TENM3: variants seen among roughly 807,000 people sequenced by gnomAD.
The protein encoded by TENM3 is teneurin transmembrane protein 3, also known as teneurin-3.
TENM3 carries 63 observed loss-of-function variants against 255.1 expected under a neutral mutation model. The ratio of observed to expected loss-of-function variants is 0.25; its 90% confidence interval spans 0.20 to 0.30. The LOEUF is 0.30. Among genes scored for constraint, TENM3 ranks in the 10% least tolerant of loss-of-function variants. The probability of loss-of-function intolerance (pLI) is 1.00; values close to 1 mark genes in which losing one functional copy is unlikely to be tolerated. For synonymous variants in TENM3, 1,306 were observed against 1,322.3 expected (o/e 0.99, Z 0.27); for missense variants, 2,929 against 3,461.1 (o/e 0.85, Z 3.86).
At chr4:182,051,258 G>A in the TENM3 span, among the ~76,000 whole-genome samples, 9 of 151,584 alleles carry the variant, frequency 5.9e-5, no homozygotes, top group East Asian at 1.2e-3. Flanking sequence ...CAGGAGAATC[G>A]CTTGAAACTG....
chr4:181,485,189 T>C, the TENM3 span, among the ~76,000 whole-genome samples: 1 of 152,148 alleles, frequency 6.6e-6, no homozygotes, highest in African/African-American at 2.4e-5. Context: ...TCTATCAAAA[T>C]AAACGTAAAT....
At chr4:181,655,255 G>C in the TENM3 span, among the ~76,000 whole-genome samples, 641 of 152,336 alleles carry the variant, frequency 4.2e-3, 1 homozygote, top group African/African-American at 0.015. Flanking sequence ...AGTGGAAAAG[G>C]AAGTTAGTAA....
the TENM3 span, among the ~76,000 whole-genome samples, chr4:181,476,731 A>G: frequency 6.6e-6 from 1 of 152,192 alleles, no homozygotes; most frequent in Admixed American, 6.5e-5. Context: ...ATACGTTTCC[A>G]ATGAGCTGGT....
intron 3 of TENM3, among the ~76,000 whole-genome samples, chr4:182,574,919 C>G (rs1372476108): frequency 6.6e-6 from 1 of 152,162 alleles, no homozygotes; most frequent in Non-Finnish European, 1.5e-5. Context: ...ATCTGGCTGT[C>G]TTTACCTAGG....
the TENM3 span, among the ~76,000 whole-genome samples, chr4:181,570,826 G>T: frequency 6.6e-6 from 1 of 152,218 alleles, no homozygotes; most frequent in African/African-American, 2.4e-5. Context: ...GGCAACACCT[G>T]TGAAGGGAAA....
At chr4:182,523,741 C>CTACATATATATCACTTACAGCA (rs1356218202) in intron 3 of TENM3, among the ~76,000 whole-genome samples, 1 of 152,048 alleles carries the variant, frequency 6.6e-6, no homozygotes, top group Non-Finnish European at 1.5e-5. Flanking sequence ...TGAAGATTTT[C>CTACATATATATCACTTACAGCA]TACATATATA....
chr4:182,169,626 T>C lies in TENM3; in HGVS notation c.-76+24872T>C, dbSNP rs1196405015. Among the ~76,000 whole-genome samples the C allele has an allele frequency of 2.6e-5, 4 of 152,274 alleles. No individual in the cohort carries two copies. In the South Asian group the frequency reaches 8.3e-4, roughly 32 times the overall value. On this transcript the variant is annotated intron_variant, in intron 1 of 2. Coordinates refer to the TENM3 transcript ENST00000512480. Reference sequence around the variant, plus strand: ...AGAAACGTGTGACTCTTGACCATTTTGTTTACCAAATAATGTAGTGTGAGA... The same window carrying C: ...AGAAACGTGTGACTCTTGACCATTTCGTTTACCAAATAATGTAGTGTGAGA...
the TENM3 span, among the ~76,000 whole-genome samples, chr4:181,745,867 T>C: frequency 6.6e-6 from 1 of 152,168 alleles, no homozygotes; most frequent in Non-Finnish European, 1.5e-5. Context: ...TTGGTCTGTG[T>C]GTTGTGTAGT....
chr4:181,996,845 T>A, the TENM3 span, among the ~76,000 whole-genome samples: 1 of 152,072 alleles, frequency 6.6e-6, no homozygotes, highest in African/African-American at 2.4e-5. Flanking sequence ...GGATCAATGG[T>A]AGTGGGATTG....
the TENM3 span, among the ~76,000 whole-genome samples, chr4:182,064,568 G>A: frequency 1.3e-5 from 2 of 150,672 alleles, no homozygotes. Context: ...GCAACAGAGC[G>A]AGACTTTGTC....
chr4:182,386,404 C>T (rs1391563527), intron 3 of TENM3, among the ~76,000 whole-genome samples: 1 of 152,224 alleles, frequency 6.6e-6, no homozygotes, highest in Non-Finnish European at 1.5e-5. Context: ...TGCTGGCAGT[C>T]CTCAGAACCC....
At chr4:182,580,452 CTT>C (rs1040079159) in intron 3 of TENM3, among the ~76,000 whole-genome samples, 9 of 151,964 alleles carry the variant, frequency 5.9e-5, no homozygotes, top group African/African-American at 2.2e-4. Flanking sequence ...TTGTGAATCT[CTT>C]TTACCAAAAA....
chr4:182,321,297 G>A (rs1161918740), intron 1 of TENM3, among the ~76,000 whole-genome samples: 1 of 152,108 alleles, frequency 6.6e-6, no homozygotes, highest in African/African-American at 2.4e-5. Flanking sequence ...AGGCAGCCTA[G>A]CACATAGTAG....
chr4:182,470,736 A>G (rs1033076447), intron 3 of TENM3, among the ~76,000 whole-genome samples: 6 of 152,292 alleles, frequency 3.9e-5, no homozygotes, highest in Middle Eastern at 3.4e-3. Flanking sequence ...CTAAAACTTC[A>G]CCATGGGAAT....
chr4:182,690,530 G>A (rs575362384), intron 12 of TENM3, among the ~76,000 whole-genome samples: 7 of 152,198 alleles, frequency 4.6e-5, no homozygotes, highest in African/African-American at 1.4e-4. Context: ...CCCGATACCC[G>A]ATACATCAGA....
At chr4:181,785,943 C>T in the TENM3 span, among the ~76,000 whole-genome samples, 57 of 152,108 alleles carry the variant, frequency 3.7e-4, 1 homozygote, top group East Asian at 9.9e-3. Context: ...TAAATATCAC[C>T]GCATATAAAT....
chr4:181,719,300 A>T, the TENM3 span, among the ~76,000 whole-genome samples: 1 of 152,170 alleles, frequency 6.6e-6, no homozygotes, highest in East Asian at 1.9e-4. Flanking sequence ...TCCTTAGAAA[A>T]TCTGCATGCC....
the TENM3 span, among the ~76,000 whole-genome samples, chr4:182,074,772 A>T: frequency 6.6e-6 from 1 of 152,218 alleles, no homozygotes; most frequent in East Asian, 1.9e-4. Flanking sequence ...CCTCAGGCAG[A>T]TGTTCACAAG....
chr4:182,781,547 A>G (rs1414926207), intron 24 of TENM3, among the ~76,000 whole-genome samples: 2 of 152,168 alleles, frequency 1.3e-5, no homozygotes, highest in Non-Finnish European at 2.9e-5. Context: ...TGGCTTTGGT[A>G]TCAGAATGAT....
Sources: gnomAD v4.1 joint callset for allele counts (sites outside exome capture counted in the v4.1 genomes callset) on GRCh38, gnomAD v4.1.1 for gene constraint, MANE v1.5 for transcripts, NCBI Gene and HGNC (gene_info 2026-07-23, HGNC 2026-07-21) for gene names.